Variants in ATP8B1 observed in about 807,000 individuals in gnomAD.
The protein encoded by ATP8B1 is phospholipid-transporting ATPase IC.
A neutral mutation model predicts 149.9 loss-of-function variants in ATP8B1; 80 were observed. That is an observed-to-expected ratio of 0.53 (90% CI 0.45 to 0.64). ATP8B1 has a LOEUF of 0.64. Ranked by LOEUF, ATP8B1 falls within the 30% of genes least tolerant of loss-of-function variation. The pLI, the probability that ATP8B1 is intolerant of heterozygous loss-of-function variation, is 0.00. For missense variants in ATP8B1, 1,247 were observed against 1,552.6 expected, an observed-to-expected ratio of 0.80 and a Z score of 3.31; for synonymous variants, 536 against 562.8, an observed-to-expected ratio of 0.95 and a Z score of 0.67.
intron 1 of ATP8B1, among the ~76,000 whole-genome samples, chr18:57,768,008 C>A (rs145315536): frequency 6.6e-6 from 1 of 152,124 alleles, no homozygotes; most frequent in Non-Finnish European, 1.5e-5. Flanking sequence ...TTTAAAAAAT[C>A]TATAGGGTAT....
intron 1 of ATP8B1, among the ~76,000 whole-genome samples, chr18:57,797,260 G>T (rs576441046): frequency 6.6e-6 from 1 of 152,128 alleles, no homozygotes; most frequent in South Asian, 2.1e-4. Context: ...CAAACAAACC[G>T]CAACTCCAGT....
intron 1 of ATP8B1, among the ~76,000 whole-genome samples, chr18:57,735,787 CTAAG>C (rs2079845204): frequency 3.6e-5 from 2 of 55,526 alleles, no homozygotes; most frequent in African/African-American, 1.2e-4. Context: ...AATTTCCCTA[CTAAG>C]TCTTTATTTT....
intron 1 of ATP8B1, among the ~76,000 whole-genome samples, chr18:57,792,903 C>T (rs1045464166): frequency 6.6e-6 from 1 of 152,126 alleles, no homozygotes; most frequent in Admixed American, 6.5e-5. Context: ...GCTGCAGCAG[C>T]AGCCCTGGCA....
At chr18:57,776,545 A>C (rs2123396446) in intron 1 of ATP8B1, among the ~76,000 whole-genome samples, 1 of 152,282 alleles carries the variant, frequency 6.6e-6, no homozygotes, top group East Asian at 1.9e-4. Flanking sequence ...AGTCACCCAG[A>C]TCTGCCCACT....
intron 1 of ATP8B1, among the ~76,000 whole-genome samples, chr18:57,788,190 A>G (rs989311386): frequency 6.6e-6 from 1 of 152,216 alleles, no homozygotes; most frequent in Non-Finnish European, 1.5e-5. Context: ...AAATGAGATC[A>G]CAGAGAGGCA....
intron 1 of ATP8B1, among the ~76,000 whole-genome samples, chr18:57,770,900 G>GTTACAC (rs1241911277): frequency 2.0e-5 from 3 of 152,190 alleles, no homozygotes; most frequent in Non-Finnish European, 4.4e-5. Flanking sequence ...GTCTCGCTCT[G>GTTACAC]TCGCCCAGGC....
intron 1 of ATP8B1, among the ~76,000 whole-genome samples, chr18:57,740,062 C>T (rs1286469314): frequency 6.6e-6 from 1 of 152,082 alleles, no homozygotes; most frequent in Non-Finnish European, 1.5e-5. Context: ...TACTGACATA[C>T]CGGCTATGGT....
intron 1 of ATP8B1, among the ~76,000 whole-genome samples, chr18:57,751,209 G>T (rs2080014656): frequency 6.6e-6 from 1 of 152,042 alleles, no homozygotes; most frequent in Non-Finnish European, 1.5e-5. Context: ...AAGGAATGTT[G>T]GGCTAGGCTT....
At chr18:57,732,253 G>GTA (rs1427757085) in intron 1 of ATP8B1, among the ~76,000 whole-genome samples, 1 of 18,084 alleles carries the variant, frequency 5.5e-5, no homozygotes, top group Non-Finnish European at 1.1e-4. Flanking sequence ...ATGTATATAT[G>GTA]TATATATGTG....
Position 57,648,664 on chromosome 18 carries a change from G to C in ATP8B1, c.3580C>G (p.Arg1194Gly). ...ACGCCCCGGCGGAACACCTGCTGCC[G>C]TCGCTGCCACTGCTCCTCCGCCTTC... is the stretch of plus-strand genomic sequence containing the variant. The part of the protein sequence containing the change: ...RLKAEEQWQR[R>G]QQVFRRGVST... Residue 1194 changes from arginine (R) to glycine (G), a missense_variant, in exon 28 of 28, where the codon CGG becomes GGG. Arg to Gly is a moderately radical substitution (Grantham distance 125). Transcript: ENST00000648908. 1 of 1,575,292 alleles carries C rather than the reference G, an allele frequency of 6.3e-7. No individual in the cohort carries two copies. Among genetic ancestry groups the C allele is most frequent in the Non-Finnish European group, 8.6e-7 (1 of 1,161,788 alleles).
chr18:57,739,428 TATC>T (rs1213277872), intron 1 of ATP8B1, among the ~76,000 whole-genome samples: 3 of 152,216 alleles, frequency 2.0e-5, no homozygotes, highest in Non-Finnish European at 4.4e-5. Context: ...TCCTAACACT[TATC>T]ATGATTTGTA....
At chr18:57,750,984 G>T (rs1203617238) in intron 1 of ATP8B1, among the ~76,000 whole-genome samples, 1 of 152,100 alleles carries the variant, frequency 6.6e-6, no homozygotes, top group African/African-American at 2.4e-5. Context: ...GCCGGGCGTG[G>T]TGGCGCACAC....
chr18:57,697,498 C>T (rs1912876189), intron 8 of ATP8B1, 120 bp downstream of exon 8: 3 of 1,004,982 alleles, frequency 3.0e-6, no homozygotes, highest in Non-Finnish European at 1.6e-6. Flanking sequence ...GTAGGGACAG[C>T]AGCAGGTGGC....
intron 19 of ATP8B1, chr18:57,668,146 AC>A: frequency 7.3e-7 from 1 of 1,367,292 alleles, no homozygotes; most frequent in Non-Finnish European, 9.6e-7. Flanking sequence ...CCCTTTCAGG[AC>A]GGGAACCCAC....
At chr18:57,692,109 G>A in intron 11 of ATP8B1, 112 bp from the exon 12 acceptor site, 1 of 1,480,046 alleles carries the variant, frequency 6.8e-7, no homozygotes, top group Middle Eastern at 1.9e-4. Flanking sequence ...GAATTTAGTA[G>A]TCTGAAAAAT....
intron 15 of ATP8B1, among the ~76,000 whole-genome samples, chr18:57,676,376 AT>A (rs1382435561): frequency 1.3e-5 from 2 of 150,288 alleles, no homozygotes; most frequent in East Asian, 3.9e-4. Context: ...TGCCCAGGCT[AT>A]TTTTTCTTTA....
At position 57,791,801 on chromosome 18, in the gene ATP8B1, G is replaced by A. The variant is rs558812922; in HGVS notation, c.-26+11197C>T. On this transcript the variant is annotated intron_variant, in intron 1 of 27. Coordinates refer to ENST00000648908, the MANE Select transcript of ATP8B1 (RefSeq NM_001374385.1). ...TTAGAAATATCTTATTTTTCTTTAA[G>A]GCCTTTATCACAGATTATAATTCTA... Among the ~76,000 whole-genome samples, 3 of 152,054 alleles carry A rather than the reference G, an allele frequency of 2.0e-5. No homozygotes were observed. The South Asian group carries it at 6.3e-4, about 32-fold the overall frequency.
intron 13 of ATP8B1, among the ~76,000 whole-genome samples, chr18:57,688,084 T>A (rs752524329): frequency 6.6e-6 from 1 of 152,072 alleles, no homozygotes; most frequent in Non-Finnish European, 1.5e-5. Flanking sequence ...CGCCTGGCTG[T>A]GAGCCCACTT....
intron 22 of ATP8B1, 85 bp downstream of exon 22, chr18:57,661,089 A>T: frequency 6.5e-7 from 1 of 1,535,998 alleles, no homozygotes; most frequent in Non-Finnish European, 8.8e-7. Context: ...TAAAATCTAA[A>T]AAAAGAAAAT....
Sources: gnomAD v4.1 joint callset for allele counts (sites outside exome capture counted in the v4.1 genomes callset) on GRCh38, gnomAD v4.1.1 for gene constraint, MANE v1.5 for transcripts, NCBI Gene and HGNC (gene_info 2026-07-23, HGNC 2026-07-21) for gene names.